The following PXDNL variants were observed in gnomAD, a reference collection of about 807,000 sequenced individuals.
PXDNL encodes the protein probable oxidoreductase PXDNL.
In PXDNL, 145 loss-of-function variants were observed where a neutral mutation model predicts 150.8. That is an observed-to-expected ratio of 0.96 (90% CI 0.84 to 1.10). The LOEUF (loss-of-function observed/expected upper bound fraction) is 1.10, where lower values mean the gene tolerates loss of function less well. Ranked by LOEUF, PXDNL falls within the 50% of genes least tolerant of loss-of-function variation. The pLI, the probability that PXDNL is intolerant of heterozygous loss-of-function variation, is 0.00. For synonymous variants in PXDNL, 757 were observed against 725.7 expected (o/e 1.04, Z -0.69); for missense variants, 2,087 against 1,873.9 (o/e 1.11, Z -2.10).
intron 1 of PXDNL, among the ~76,000 whole-genome samples, chr8:51,709,740 C>T (rs933418774): frequency 6.6e-6 from 1 of 152,096 alleles, no homozygotes; most frequent in Non-Finnish European, 1.5e-5. Context: ...AAAAGGATAT[C>T]CATGTACTTA....
At chr8:51,653,275 G>A (rs995431074) in intron 2 of PXDNL, among the ~76,000 whole-genome samples, 36 of 152,066 alleles carry the variant, frequency 2.4e-4, no homozygotes, top group Non-Finnish European at 2.8e-4. Context: ...AAAATTAGCC[G>A]GGCATGGTGG....
intron 3 of PXDNL, among the ~76,000 whole-genome samples, chr8:51,580,616 T>C (rs909865942): frequency 2.6e-5 from 4 of 152,166 alleles, no homozygotes; most frequent in African/African-American, 4.8e-5. Flanking sequence ...AAAAATACAG[T>C]TGATGTACAT....
At chr8:51,332,040 T>C (rs1805704825) in intron 21 of PXDNL, among the ~76,000 whole-genome samples, 1 of 151,834 alleles carries the variant, frequency 6.6e-6, no homozygotes, top group Non-Finnish European at 1.5e-5. Context: ...AATAGAACAT[T>C]AAACCACCCA....
intron 4 of PXDNL, among the ~76,000 whole-genome samples, chr8:51,520,347 C>T (rs1360127148): frequency 6.6e-6 from 1 of 152,042 alleles, no homozygotes; most frequent in Non-Finnish European, 1.5e-5. Context: ...CTAGAAGGGG[C>T]GAGCGCTTTG....
intron 17 of PXDNL, among the ~76,000 whole-genome samples, chr8:51,386,449 AAGAT>A (rs1255571511): frequency 5.3e-5 from 8 of 152,176 alleles, no homozygotes; most frequent in African/African-American, 9.7e-5. Context: ...TGGCAGTAGT[AAGAT>A]AGATAGATGA....
chr8:51,723,613 G>A (rs1396559049), intron 1 of PXDNL, among the ~76,000 whole-genome samples: 2 of 152,162 alleles, frequency 1.3e-5, no homozygotes, highest in Non-Finnish European at 2.9e-5. Flanking sequence ...GACCTGGGAG[G>A]GCTCCACTGT....
chr8:51,655,829 A>G (rs550268073), intron 1 of PXDNL, among the ~76,000 whole-genome samples: 3 of 152,314 alleles, frequency 2.0e-5, no homozygotes, highest in African/African-American at 4.8e-5. Context: ...TCCACTCAAG[A>G]AAGCGCCAGC....
intron 17 of PXDNL, among the ~76,000 whole-genome samples, chr8:51,394,326 C>T (rs1383881985): frequency 6.6e-6 from 1 of 152,116 alleles, no homozygotes; most frequent in African/African-American, 2.4e-5. Flanking sequence ...GCTATCCCAT[C>T]CATAAAACCT....
At chr8:51,597,037 C>T (rs780689163) in intron 2 of PXDNL, among the ~76,000 whole-genome samples, 6 of 152,072 alleles carry the variant, frequency 3.9e-5, no homozygotes, top group African/African-American at 7.2e-5. Flanking sequence ...TAGAGTCTGA[C>T]GTCTTAGATT....
At chr8:51,746,064 A>G (rs567265636) in intron 1 of PXDNL, among the ~76,000 whole-genome samples, 1 of 152,132 alleles carries the variant, frequency 6.6e-6, no homozygotes, top group East Asian at 1.9e-4. Context: ...CAGCCCTACC[A>G]TTATTTTTTA....
At chr8:51,533,308 G>T (rs977743489) in intron 4 of PXDNL, among the ~76,000 whole-genome samples, 7 of 151,828 alleles carry the variant, frequency 4.6e-5, no homozygotes, top group Non-Finnish European at 1.0e-4. Flanking sequence ...GCACCACCAC[G>T]CCTGGCTAAT....
chr8:51,750,326 G>A (rs185301447), intron 1 of PXDNL, among the ~76,000 whole-genome samples: 42 of 152,044 alleles, frequency 2.8e-4, no homozygotes, highest in Non-Finnish European at 5.7e-4. Flanking sequence ...GTCCTCAGGG[G>A]CAAAAGCACG....
chr8:51,720,979 C>A (rs933070790), intron 1 of PXDNL, among the ~76,000 whole-genome samples: 1 of 152,240 alleles, frequency 6.6e-6, no homozygotes, highest in Non-Finnish European at 1.5e-5. Context: ...TGTCCCACCA[C>A]GGCCCCAGGA....
chr8:51,703,644 A>G (rs955464500), intron 1 of PXDNL, among the ~76,000 whole-genome samples: 5 of 152,134 alleles, frequency 3.3e-5, no homozygotes, highest in African/African-American at 1.2e-4. Flanking sequence ...TCGCTGAGCC[A>G]CCCTATCAGA....
intron 2 of PXDNL, among the ~76,000 whole-genome samples, chr8:51,603,498 T>C (rs1563480069): frequency 6.6e-6 from 1 of 152,048 alleles, no homozygotes. Context: ...GATATTTTCT[T>C]TCATCATATT....
At chr8:51,514,104 C>T (rs1041652424) in intron 4 of PXDNL, among the ~76,000 whole-genome samples, 1 of 152,212 alleles carries the variant, frequency 6.6e-6, no homozygotes, top group African/African-American at 2.4e-5. Flanking sequence ...CTATTCCTCA[C>T]TGAGGAAGTT....
intron 2 of PXDNL, among the ~76,000 whole-genome samples, chr8:51,608,269 A>G (rs149759839): frequency 0.024 from 3,506 of 145,510 alleles, 446 homozygotes; most frequent in African/African-American, 0.089. Context: ...GGTGCCTGTA[A>G]TCCCAGCTAC....
At chr8:51,488,853 A>G (rs1289771019) in intron 5 of PXDNL, among the ~76,000 whole-genome samples, 1 of 152,200 alleles carries the variant, frequency 6.6e-6, no homozygotes, top group Non-Finnish European at 1.5e-5. Context: ...ATGCCAGAAG[A>G]AACAGGGAAA....
intron 1 of PXDNL, among the ~76,000 whole-genome samples, chr8:51,668,943 G>C (rs1815443034): frequency 6.6e-6 from 1 of 152,100 alleles, no homozygotes. Flanking sequence ...GGGTGGACAA[G>C]TGCATGGATG....
Sources: allele counts gnomAD v4.1 joint callset (sites outside exome capture counted in the v4.1 genomes callset), GRCh38; gene constraint gnomAD v4.1.1; transcripts MANE v1.5; gene names NCBI Gene and HGNC (gene_info 2026-07-23, HGNC 2026-07-21).